The following MON2 variants were observed in gnomAD, a reference collection of about 807,000 sequenced individuals.
The protein encoded by MON2 is protein MON2 homolog.
A neutral mutation model predicts 208.6 loss-of-function variants in MON2; 84 were observed. The ratio of observed to expected loss-of-function variants is 0.40; its 90% CI spans 0.34 to 0.48. The LOEUF (loss-of-function observed/expected upper bound fraction) is 0.48. Ranked by LOEUF, MON2 falls within the 20% of genes least tolerant of loss-of-function variation. MON2 has a pLI of 0.59. For synonymous variants in MON2, 660 were observed against 694.0 expected (o/e 0.95, Z 0.77); for missense variants, 1,611 against 2,015.4 (o/e 0.80, Z 3.84).
At chr12:62,544,807 A>G (rs1246218303) in intron 20 of MON2, 91 bp from the exon 21 acceptor site, 1 of 1,551,036 alleles carries the variant, frequency 6.4e-7, no homozygotes, top group South Asian at 1.2e-5. Context: ...TTTTCTTCCA[A>G]CCCTTATTGA....
chr12:62,507,271 T>C (rs567314007), intron 7 of MON2, among the ~76,000 whole-genome samples: 4 of 152,240 alleles, frequency 2.6e-5, no homozygotes, highest in Admixed American at 6.5e-5. Flanking sequence ...TTGCTTGAGT[T>C]TGTATAGCTT....
chr12:62,526,459 T>C lies in MON2; in HGVS notation c.1400+357T>C, dbSNP rs542507574. On this transcript the variant is annotated intron_variant, in intron 11 of 34. Coordinates refer to ENST00000393630, the MANE Select transcript of MON2 (RefSeq NM_015026.3). ...GTCAGCAAATTAATCTTTTTTTCTT[T>C]TTTTTAAACCTCATTTCTCTCATCT... 4.6e-5 allele frequency among the ~76,000 whole-genome samples: 7 copies of C among 152,266 alleles called. No individual in the cohort carries two copies. In the East Asian group the frequency reaches 1.4e-3, roughly 29 times the overall value.
Position 62,498,966 on chromosome 12 carries a change from A to G in MON2, c.483A>G (p.Thr161=), listed in dbSNP as rs1018613928. ...FRLHFTKDNI[T]NNTAAATVRQ... ...TACACTTCACAAAAGATAATATTAC[A>G]AATAATACAGCTGCTGCTACAGTGC... is the stretch of plus-strand genomic sequence containing the variant. The change falls in exon 5 of 35, where the codon ACA becomes ACG. Residue 161 remains threonine, a synonymous_variant. Coordinates refer to ENST00000393630, the MANE Select transcript of MON2 (RefSeq NM_015026.3). 6.2e-7 allele frequency: 1 copy of G among 1,611,666 alleles called. No homozygotes were observed. The highest frequency in any genetic ancestry group is 1.3e-5 in the African/African-American group (1 of 74,928).
intron 23 of MON2, among the ~76,000 whole-genome samples, chr12:62,551,472 T>C (rs2073742364): frequency 6.6e-6 from 1 of 152,118 alleles, no homozygotes; most frequent in Non-Finnish European, 1.5e-5. Flanking sequence ...GTTGCAATAG[T>C]CACATCAAAG....
intron 29 of MON2, among the ~76,000 whole-genome samples, chr12:62,568,501 G>A (rs2074468245): frequency 6.6e-6 from 1 of 152,020 alleles, no homozygotes; most frequent in Non-Finnish European, 1.5e-5. Context: ...ACCACCCCCA[G>A]CTGATTTTTA....
intron 2 of MON2, among the ~76,000 whole-genome samples, chr12:62,488,430 T>C (rs1212816197): frequency 1.3e-5 from 2 of 152,136 alleles, no homozygotes; most frequent in African/African-American, 4.8e-5. Flanking sequence ...GGATACACTA[T>C]TGAAGTGTTG....
intron 8 of MON2, among the ~76,000 whole-genome samples, chr12:62,521,930 C>G (rs962684190): frequency 1.3e-5 from 2 of 152,184 alleles, no homozygotes; most frequent in Admixed American, 6.5e-5. Flanking sequence ...TGGTGGCTCA[C>G]GCCTATAATC....
rs892376380 is a variant in MON2, at chr12:62,597,673, TA to T, written c.*4927del. On this transcript the variant is annotated 3_prime_UTR_variant, in exon 35 of 35. Coordinates refer to ENST00000393630, the MANE Select transcript of MON2 (RefSeq NM_015026.3). ...CTATAAATATGATGGATTCAGCACC[TA>T]AATTTGGAATAATCATGTCTTTTCT... The T allele has an allele frequency of 6.6e-6, 1 of 152,214 alleles. No individual in the cohort carries two copies. Among genetic ancestry groups the T allele is most frequent in the African/African-American group, 2.4e-5 (1 of 41,468 alleles). The allele number at this position is 152,214 out of a possible 1,614,324, so 9.4% of individuals were successfully genotyped here.
At chr12:62,507,314 TC>T (rs1387673620) in intron 7 of MON2, among the ~76,000 whole-genome samples, 1 of 148,124 alleles carries the variant, frequency 6.8e-6, no homozygotes, top group African/African-American at 2.4e-5. Flanking sequence ...TTTTTCTTTT[TC>T]TTTTTTTTTT....
chr12:62,514,623 G>A (rs1422406788), intron 8 of MON2, among the ~76,000 whole-genome samples: 1 of 152,044 alleles, frequency 6.6e-6, no homozygotes, highest in Non-Finnish European at 1.5e-5. Context: ...CCTCCCACTG[G>A]GTCCCTCCCA....
chr12:62,592,824 G>T lies in MON2; in HGVS notation c.*75G>T. 1 of 1,389,064 alleles carries T rather than the reference G, an allele frequency of 7.2e-7. No individual in the cohort carries two copies. 86.0% of individuals were successfully genotyped at this position (1,389,064 alleles called of 1,614,324 possible). A position where few individuals can be genotyped will look rare whatever the true frequency, so the allele number is the denominator to read the frequency against. On this transcript the variant is annotated 3_prime_UTR_variant, in exon 35 of 35. Coordinates refer to ENST00000393630, the MANE Select transcript of MON2 (RefSeq NM_015026.3). The stretch of plus-strand genomic sequence containing the variant: ...TCCTAATTGAGTCTTCTGTGAGAAG[G>T]ACATTTCTTACTGCAGATAATTCTT...
At chr12:62,555,823 AAAAG>A (rs1361503673) in intron 24 of MON2, among the ~76,000 whole-genome samples, 167 bp from the exon 25 acceptor site, 1 of 151,914 alleles carries the variant, frequency 6.6e-6, no homozygotes, top group Non-Finnish European at 1.5e-5. Context: ...AAAAAAAAAA[AAAAG>A]AATGTATAAT....
rs761702196 is a variant in MON2 at position 62,560,636 on chromosome 12, T to C, written c.3555T>C (p.Pro1185=). 6.2e-7 allele frequency: 1 copy of C among 1,614,066 alleles called. No individual in the cohort carries two copies. Among genetic ancestry groups the C allele is most frequent in the Non-Finnish European group, 8.5e-7 (1 of 1,179,972 alleles). The change falls in exon 26 of 35, where the codon CCT becomes CCC. Residue 1185 remains proline, a synonymous_variant. Coordinates refer to ENST00000393630, the MANE Select transcript of MON2 (RefSeq NM_015026.3). The part of the protein sequence containing the change: ...IVSPVRDSDK[P]ETPPVVNVPV... ...CCCCTGTCAGAGACTCAGATAAGCC[T>C]GAGACACCACCTGTAGTTAATGTAC...
intron 29 of MON2, among the ~76,000 whole-genome samples, chr12:62,570,372 G>A (rs114619869): frequency 2.8e-3 from 424 of 152,192 alleles, no homozygotes; most frequent in African/African-American, 9.5e-3. Flanking sequence ...TATTAGAGTA[G>A]GATATAAAAT....
At chr12:62,575,705 A>G (rs543022382) in intron 30 of MON2, among the ~76,000 whole-genome samples, 2 of 152,344 alleles carry the variant, frequency 1.3e-5, no homozygotes, top group South Asian at 4.1e-4. Context: ...TACAAATAAA[A>G]TGAACTAGCA....
rs949367366 is a variant in MON2, at chr12:62,578,716, G to A, written c.4575+211G>A. Among the ~76,000 whole-genome samples, 11 of 152,232 alleles carry A rather than the reference G, an allele frequency of 7.2e-5. No homozygotes were observed. In the East Asian group the frequency reaches 1.7e-3, roughly 24 times the overall value. On this transcript the variant is annotated intron_variant, in intron 31 of 34. Coordinates refer to ENST00000393630, the MANE Select transcript of MON2 (RefSeq NM_015026.3). ...TTTGTTACAGTCTTGTGCTTTGTGC[G>A]TGTTGTCCCAATACTTAGTTGTGTT...
intron 2 of MON2, among the ~76,000 whole-genome samples, chr12:62,490,522 G>A (rs1319449087): frequency 6.6e-6 from 1 of 152,066 alleles, no homozygotes; most frequent in Non-Finnish European, 1.5e-5. Context: ...ATATCTCTCA[G>A]TTGGAAGAGC....
intron 3 of MON2, 126 bp downstream of exon 3, chr12:62,494,168 G>A (rs903301662): frequency 9.8e-5 from 84 of 858,220 alleles, no homozygotes; most frequent in Non-Finnish European, 1.3e-4. Context: ...CGGAGAAAAT[G>A]GCTTTATTTA....
At chr12:62,471,504 T>C (rs2068788796) in intron 1 of MON2, among the ~76,000 whole-genome samples, 1 of 152,174 alleles carries the variant, frequency 6.6e-6, no homozygotes, top group Non-Finnish European at 1.5e-5. Context: ...TATATTAAGA[T>C]TTATGTGTGA....
Sources: allele counts gnomAD v4.1 joint callset (sites outside exome capture counted in the v4.1 genomes callset), GRCh38; gene constraint gnomAD v4.1.1; transcripts MANE v1.5; gene names NCBI Gene and HGNC (gene_info 2026-07-23, HGNC 2026-07-21).